SRRM4: variants seen among roughly 807,000 people sequenced by gnomAD.
SRRM4 encodes the protein serine/arginine repetitive matrix protein 4.
In SRRM4, 33 loss-of-function variants were observed where a neutral mutation model predicts 68.9. The ratio of observed to expected loss-of-function variants is 0.48; its 90% CI spans 0.36 to 0.64. SRRM4 has a LOEUF of 0.64. Ranked by LOEUF, SRRM4 falls within the 30% of genes least tolerant of loss-of-function variation. The pLI is 0.00. For missense variants in SRRM4, 817 were observed against 827.1 expected (o/e 0.99, Z 0.15); for synonymous variants, 318 against 318.8 (o/e 1.00, Z 0.03).
intron 1 of SRRM4, among the ~76,000 whole-genome samples, chr12:119,006,891 C>CGAG (rs1292994273): frequency 6.6e-6 from 1 of 152,160 alleles, no homozygotes. Flanking sequence ...GGCTGGAGAC[C>CGAG]GAGGCCAAGG....
chr12:119,030,677 G>A (rs1375196295), intron 1 of SRRM4, among the ~76,000 whole-genome samples: 1 of 151,928 alleles, frequency 6.6e-6, no homozygotes, highest in Non-Finnish European at 1.5e-5. Flanking sequence ...TGCTTTATAA[G>A]CCATTTTTCT....
chr12:119,097,957 G>A (rs1317651206), intron 1 of SRRM4, among the ~76,000 whole-genome samples: 6 of 152,134 alleles, frequency 3.9e-5, no homozygotes, highest in Non-Finnish European at 7.3e-5. Context: ...TTGTGGTATC[G>A]ATTTATTTTC....
At chr12:119,143,695 GAAGTGTGGACACTTGAAGCATGGTCTACC>G (rs1461863150) in intron 8 of SRRM4, among the ~76,000 whole-genome samples, 4 of 152,166 alleles carry the variant, frequency 2.6e-5, no homozygotes, top group Non-Finnish European at 5.9e-5. Context: ...CTTGGACCTA[GAAGTGTGGACACTTGAAGCATGGTCTACC>G]TGCAGGAGAA....
intron 8 of SRRM4, chr12:119,132,435 T>C (rs1048674641): frequency 6.6e-6 from 1 of 152,196 alleles, no homozygotes; most frequent in African/African-American, 2.4e-5. Flanking sequence ...GCCTAATTGC[T>C]CTGGTCATGG....
chr12:118,997,347 C>T (rs1953356020), intron 1 of SRRM4, among the ~76,000 whole-genome samples: 1 of 152,208 alleles, frequency 6.6e-6, no homozygotes, highest in South Asian at 2.1e-4. Flanking sequence ...GTTGTATTTA[C>T]CCAGGGCTGC....
At chr12:119,029,851 A>C (rs1206948643) in intron 1 of SRRM4, among the ~76,000 whole-genome samples, 1 of 152,196 alleles carries the variant, frequency 6.6e-6, no homozygotes, top group African/African-American at 2.4e-5. Context: ...TCAGAGACAC[A>C]GTAGGCAGAC....
At chr12:119,067,644 G>A (rs1953854166) in intron 1 of SRRM4, among the ~76,000 whole-genome samples, 1 of 152,162 alleles carries the variant, frequency 6.6e-6, no homozygotes, top group Non-Finnish European at 1.5e-5. Context: ...GGAGGTGGAG[G>A]TTGCGGTGAG....
At position 119,159,820 on chromosome 12, in the gene SRRM4, C is replaced by A. The variant is rs1954498552; in HGVS notation, c.*3022C>A. The A allele has an allele frequency of 6.6e-6, 1 of 151,342 alleles. No homozygotes were observed. The highest frequency in any genetic ancestry group is 1.5e-5 in the Non-Finnish European group (1 of 67,920). The allele number at this position is 151,342 out of a possible 1,614,324, so 9.4% of individuals were successfully genotyped here. A position where few individuals can be genotyped will look rare whatever the true frequency, so the allele number is the denominator to read the frequency against. Reference sequence around the variant, plus strand: ...AGAACCACCAAGCCAAAAGCAAAAGCTTTTATCTATGATCTCTTGCTGTTT... The same window carrying A: ...AGAACCACCAAGCCAAAAGCAAAAGATTTTATCTATGATCTCTTGCTGTTT... On this transcript the variant is annotated 3_prime_UTR_variant, in exon 13 of 13. Transcript: ENST00000267260.
chr12:119,020,924 C>T (rs1358960716), intron 1 of SRRM4, among the ~76,000 whole-genome samples: 1 of 152,126 alleles, frequency 6.6e-6, no homozygotes, highest in Non-Finnish European at 1.5e-5. Context: ...AAAGGAGATG[C>T]CTTCTCGCCC....
chr12:119,094,735 G>A (rs547161079), intron 1 of SRRM4, among the ~76,000 whole-genome samples: 2 of 152,320 alleles, frequency 1.3e-5, no homozygotes, highest in East Asian at 3.9e-4. Context: ...CACTGCCCCC[G>A]TAAGCCTCTC....
chr12:119,095,167 A>T (rs1310946511), intron 1 of SRRM4, among the ~76,000 whole-genome samples: 1 of 152,192 alleles, frequency 6.6e-6, no homozygotes, highest in Non-Finnish European at 1.5e-5. Flanking sequence ...CGGAATGCCA[A>T]GACCTCAGGC....
intron 9 of SRRM4, among the ~76,000 whole-genome samples, chr12:119,149,215 G>A (rs1190805490): frequency 6.6e-6 from 1 of 152,196 alleles, no homozygotes; most frequent in African/African-American, 2.4e-5. Context: ...GAGTGTGGTG[G>A]TGCGCACCTG....
At chr12:119,032,821 A>G (rs1186342632) in intron 1 of SRRM4, among the ~76,000 whole-genome samples, 1 of 152,166 alleles carries the variant, frequency 6.6e-6, no homozygotes, top group Non-Finnish European at 1.5e-5. Flanking sequence ...TTTATCATTA[A>G]TAGTTTCACC....
Position 119,012,703 on chromosome 12 carries a change from C to G in SRRM4, c.131+30690C>G, listed in dbSNP as rs1953457940. 2.6e-5 allele frequency among the ~76,000 whole-genome samples: 4 copies of G among 152,168 alleles called. No individual in the cohort carries two copies. The South Asian group carries it at 8.3e-4, about 32-fold the overall frequency. ...GCCACATGTGGTCTCTATCCTTGTT[C>G]TTTAACCCATGATTCTTTGATATTT... On this transcript the variant is annotated intron_variant, in intron 1 of 12. Coordinates refer to ENST00000267260, the MANE Select transcript of SRRM4 (RefSeq NM_194286.4).
intron 8 of SRRM4, among the ~76,000 whole-genome samples, chr12:119,131,627 T>C (rs1291291603): frequency 6.6e-6 from 1 of 152,242 alleles, no homozygotes; most frequent in African/African-American, 2.4e-5. Flanking sequence ...CTGAATTCAG[T>C]CCTAGCTTGG....
intron 7 of SRRM4, among the ~76,000 whole-genome samples, chr12:119,129,485 C>T (rs980746718): frequency 2.6e-5 from 4 of 152,078 alleles, no homozygotes; most frequent in East Asian, 1.9e-4. Context: ...CTTTATTTCA[C>T]AGATGGCAAA....
intron 1 of SRRM4, among the ~76,000 whole-genome samples, chr12:119,042,992 G>A (rs1294644508): frequency 1.3e-5 from 2 of 152,076 alleles, no homozygotes; most frequent in Non-Finnish European, 2.9e-5. Context: ...GCAATTCCTC[G>A]AAGATCTAGA....
chr12:119,058,097 C>T (rs771125705), intron 1 of SRRM4, among the ~76,000 whole-genome samples: 1 of 152,176 alleles, frequency 6.6e-6, no homozygotes. Flanking sequence ...ATGTAACTGC[C>T]TCATTGCAAG....
At chr12:119,065,552 T>C (rs1344327016) in intron 1 of SRRM4, among the ~76,000 whole-genome samples, 3 of 152,038 alleles carry the variant, frequency 2.0e-5, no homozygotes, top group Admixed American at 6.6e-5. Flanking sequence ...CTGGCCAACA[T>C]AGTGAAACCC....
Sources: gnomAD v4.1 joint callset for allele counts (sites outside exome capture counted in the v4.1 genomes callset) on GRCh38, gnomAD v4.1.1 for gene constraint, MANE v1.5 for transcripts, NCBI Gene and HGNC (gene_info 2026-07-23, HGNC 2026-07-21) for gene names.